Variants in HSD17B12 observed in about 807,000 individuals in gnomAD.
HSD17B12 encodes hydroxysteroid 17-beta dehydrogenase 12.
Under a neutral mutation model 39.3 loss-of-function variants are expected in HSD17B12, and 32 were observed. The observed-to-expected ratio is 0.81, with a 90% CI of 0.61 to 1.09. The LOEUF (loss-of-function observed/expected upper bound fraction) is 1.09. Among genes scored for constraint, HSD17B12 ranks in the 50% least tolerant of loss-of-function variants. The pLI is 0.00. For synonymous variants in HSD17B12, 150 were observed against 146.7 expected, an observed-to-expected ratio of 1.02 and a Z score of -0.16; for missense variants, 342 against 382.9, an observed-to-expected ratio of 0.89 and a Z score of 0.89.
chr11:43,679,558 CT>C (rs1949721313), upstream of HSD17B12, among the ~76,000 whole-genome samples: 3 of 152,106 alleles, frequency 2.0e-5, no homozygotes, highest in Admixed American at 2.0e-4. Context: ...TCTATCTGGA[CT>C]TCACACTTCT....
chr11:43,657,010 C>T, the HSD17B12 span, among the ~76,000 whole-genome samples: 2 of 152,142 alleles, frequency 1.3e-5, no homozygotes, highest in African/African-American at 4.8e-5. Flanking sequence ...GTGTTAAAGT[C>T]TCCCATTATT....
In HSD17B12 at chr11:43,831,714, G is replaced by A. The variant is rs760292638; in HGVS notation, c.536+704G>A. On this transcript the variant is annotated intron_variant, in intron 7 of 10. Transcript: ENST00000278353. The surrounding 1 kb of genome is among the most constrained non-coding windows in gnomAD (Gnocchi z 4.1). The stretch of plus-strand genomic sequence containing the variant: ...TTGGGCTTGCATCCTGAGCTAGCTC[G>A]ATCATTTGCTGAATTTAGGGCATCG... 12 of 152,188 alleles carry A rather than the reference G, an allele frequency of 7.9e-5. No individual in the cohort carries two copies. The highest frequency in any genetic ancestry group is 1.2e-4 in the Non-Finnish European group (8 of 68,042). The allele number at this position is 152,188 out of a possible 1,614,324, so 9.4% of individuals were successfully genotyped here. A position where few individuals can be genotyped will look rare whatever the true frequency, so the allele number is the denominator to read the frequency against.
At chr11:43,720,944 G>C (rs1950170771) in intron 1 of HSD17B12, among the ~76,000 whole-genome samples, 1 of 152,078 alleles carries the variant, frequency 6.6e-6, no homozygotes, top group Admixed American at 6.6e-5. Context: ...AGCTGTTTTT[G>C]TGTTGGGCCT....
At chr11:43,657,495 C>G in the HSD17B12 span, among the ~76,000 whole-genome samples, 2 of 152,242 alleles carry the variant, frequency 1.3e-5, no homozygotes, top group South Asian at 4.1e-4. Flanking sequence ...TCTTCCTAGC[C>G]TTGATGGTCT....
intron 9 of HSD17B12, chr11:43,852,123 A>G (rs1422811856): frequency 6.6e-6 from 1 of 151,908 alleles, no homozygotes; most frequent in East Asian, 1.9e-4. Flanking sequence ...CTGGAAAAAC[A>G]TAACCCAACT....
chr11:43,662,787 T>C, the HSD17B12 span, among the ~76,000 whole-genome samples: 2 of 152,174 alleles, frequency 1.3e-5, no homozygotes, highest in Non-Finnish European at 2.9e-5. Flanking sequence ...ACTTAGACTA[T>C]TGACTATTCC....
chr11:43,625,692 A>G, the HSD17B12 span, among the ~76,000 whole-genome samples: 4 of 151,340 alleles, frequency 2.6e-5, no homozygotes, highest in African/African-American at 9.7e-5. Flanking sequence ...ATTTTGATGA[A>G]AGCAAAATAA....
intron 1 of HSD17B12, among the ~76,000 whole-genome samples, chr11:43,721,816 G>C (rs915245791): frequency 3.3e-5 from 5 of 152,142 alleles, no homozygotes; most frequent in Non-Finnish European, 7.4e-5. Flanking sequence ...TGAGTAATGG[G>C]AAGTCATTGA....
Position 43,725,144 on chromosome 11 carries a change from A to G in HSD17B12, c.161-25767A>G, listed in dbSNP as rs184944801. On this transcript the variant is annotated intron_variant, in intron 1 of 10. Coordinates refer to ENST00000278353, the MANE Select transcript of HSD17B12 (RefSeq NM_016142.3). Reference sequence around the variant, plus strand: ...TTTCACAGACATGGCAGTACAGCATACTAGGTAAGAGTATAGGCACTGGAG... The same window carrying G: ...TTTCACAGACATGGCAGTACAGCATGCTAGGTAAGAGTATAGGCACTGGAG... Among the ~76,000 whole-genome samples, 106 of 152,308 alleles carry G rather than the reference A, an allele frequency of 7.0e-4. 2 individuals carry two copies. Among genetic ancestry groups the G allele is most frequent in the Admixed American group, 6.3e-3 (97 of 15,308 alleles).
At chr11:43,671,868 A>G in the HSD17B12 span, among the ~76,000 whole-genome samples, 36 of 152,324 alleles carry the variant, frequency 2.4e-4, no homozygotes, top group African/African-American at 8.7e-4. Context: ...ATTTCATATA[A>G]TTCCGTGTGC....
At chr11:43,814,534 G>A (rs1366401781) in intron 4 of HSD17B12, among the ~76,000 whole-genome samples, 1 of 152,060 alleles carries the variant, frequency 6.6e-6, no homozygotes. Context: ...GAAAACCATA[G>A]GATATTTGAG....
At chr11:43,799,722 A>C (rs981524195) in intron 4 of HSD17B12, among the ~76,000 whole-genome samples, 1 of 152,218 alleles carries the variant, frequency 6.6e-6, no homozygotes, top group Non-Finnish European at 1.5e-5. Flanking sequence ...ATTTTCTAAC[A>C]TTTCTTTAGT....
chr11:43,694,446 A>G (rs1041995888), intron 1 of HSD17B12, among the ~76,000 whole-genome samples: 1 of 152,062 alleles, frequency 6.6e-6, no homozygotes, highest in African/African-American at 2.4e-5. Flanking sequence ...CATGCCTGTA[A>G]TCCCAGTACT....
At chr11:43,577,648 G>A in the HSD17B12 span, among the ~76,000 whole-genome samples, 1 of 152,134 alleles carries the variant, frequency 6.6e-6, no homozygotes. Flanking sequence ...CCCGGGAGGT[G>A]TGTAAAGTAG....
intron 3 of HSD17B12, among the ~76,000 whole-genome samples, chr11:43,759,113 C>T (rs1271675540): frequency 6.6e-6 from 1 of 152,128 alleles, no homozygotes; most frequent in Non-Finnish European, 1.5e-5. Context: ...GTTCTTACTT[C>T]CCTGTGTGAC....
chr11:43,637,217 C>CTT, the HSD17B12 span, among the ~76,000 whole-genome samples: 36,825 of 109,268 alleles, frequency 0.34, 6,955 homozygotes, highest in East Asian at 0.67. Flanking sequence ...GGTGTTTTTC[C>CTT]TTTTTTTTTT....
At chr11:43,676,208 G>GGGGTGTGTGTGTGTGTGT (rs1554958171), upstream of HSD17B12, among the ~76,000 whole-genome samples, 20 of 147,626 alleles carry the variant, frequency 1.4e-4, no homozygotes, top group African/African-American at 4.8e-4. Flanking sequence ...AGAGGAAGAG[G>GGGGTGTGTGTGTGTGTGT]GTGTGTGTGT....
chr11:43,590,686 A>AT, the HSD17B12 span, among the ~76,000 whole-genome samples: 1 of 149,468 alleles, frequency 6.7e-6, no homozygotes, highest in South Asian at 2.1e-4. Context: ...AATTTTTTGT[A>AT]TTTTTAGTAG....
At chr11:43,768,752 G>T (rs1256312198) in intron 3 of HSD17B12, among the ~76,000 whole-genome samples, 1 of 152,198 alleles carries the variant, frequency 6.6e-6, no homozygotes, top group East Asian at 1.9e-4. Flanking sequence ...CAGCACAGAA[G>T]GAGACCAGAG....
Sources: allele counts gnomAD v4.1 joint callset (sites outside exome capture counted in the v4.1 genomes callset), GRCh38; gene constraint gnomAD v4.1.1; non-coding constraint Gnocchi (gnomAD v3.1); transcripts MANE v1.5; gene names NCBI Gene and HGNC (gene_info 2026-07-23, HGNC 2026-07-21).